GAS2: variants seen among roughly 807,000 people sequenced by gnomAD.
GAS2 encodes the protein growth arrest specific 2.
GAS2 carries 20 observed loss-of-function variants against 37.5 expected under a neutral mutation model. The observed-to-expected ratio is 0.53, with a 90% CI of 0.37 to 0.77. GAS2 has a LOEUF of 0.77. Ranked by LOEUF, GAS2 falls within the 30% of genes least tolerant of loss-of-function variation. The pLI is 0.00. For missense variants in GAS2, 336 were observed against 373.4 expected (o/e 0.90, Z 0.82); for synonymous variants, 144 against 132.2 (o/e 1.09, Z -0.61).
intron 1 of GAS2, chr11:22,626,084 G>T: frequency 1.9e-6 from 1 of 524,208 alleles, no homozygotes; most frequent in Non-Finnish European, 3.5e-6. Context: ...GCGAGATGAT[G>T]CCAGTCATGA....
chr11:22,782,034 G>C lies in GAS2; in HGVS notation c.723+26081G>C, dbSNP rs114332058. ...TTTTATTAGTTAAAATGGGGACCAA[G>C]TTATTTACTAATGAATAACATTTGC... On this transcript the variant is annotated intron_variant, in intron 7 of 7. Coordinates refer to ENST00000454584, the MANE Select transcript of GAS2 (RefSeq NM_001143830.3). Among the ~76,000 whole-genome samples the C allele has an allele frequency of 5.6e-3, 859 of 152,312 alleles. 4 individuals carry two copies. Among genetic ancestry groups the C allele is most frequent in the African/African-American group, 0.02 (820 of 41,554 alleles).
intron 2 of GAS2, among the ~76,000 whole-genome samples, chr11:22,678,947 G>A (rs1849555801): frequency 6.6e-6 from 1 of 151,838 alleles, no homozygotes; most frequent in Non-Finnish European, 1.5e-5. Context: ...AGCATCAACT[G>A]CAAACTTTTA....
At chr11:22,628,251 T>C (rs991937505) in intron 1 of GAS2, among the ~76,000 whole-genome samples, 8 of 152,326 alleles carry the variant, frequency 5.3e-5, no homozygotes, top group African/African-American at 1.9e-4. Context: ...TTGAAAATTT[T>C]AAGAATTTTG....
intron 7 of GAS2, among the ~76,000 whole-genome samples, chr11:22,773,844 C>T (rs1855115205): frequency 6.6e-6 from 1 of 152,122 alleles, no homozygotes; most frequent in Non-Finnish European, 1.5e-5. Context: ...AGGTGACAAA[C>T]ACCATTTTAA....
chr11:22,721,991 G>A (rs454492), intron 3 of GAS2, among the ~76,000 whole-genome samples: 135,767 of 151,914 alleles, frequency 0.89, 62,448 homozygotes, highest in East Asian at 1. Context: ...TCAATGGGGT[G>A]TACATCTTGT....
chr11:22,747,327 G>C (rs1853463377), intron 5 of GAS2, among the ~76,000 whole-genome samples: 1 of 152,178 alleles, frequency 6.6e-6, no homozygotes, highest in Admixed American at 6.5e-5. Context: ...CAGTCTAGCA[G>C]TTTCCACCAT....
intron 1 of GAS2, among the ~76,000 whole-genome samples, chr11:22,650,613 G>A (rs1262619890): frequency 2.7e-5 from 4 of 148,488 alleles, no homozygotes; most frequent in Middle Eastern, 3.6e-3. Flanking sequence ...TGTATTGGGT[G>A]CATATATATT....
intron 1 of GAS2, among the ~76,000 whole-genome samples, chr11:22,671,259 G>A (rs1344919456): frequency 6.6e-6 from 1 of 151,960 alleles, no homozygotes; most frequent in Non-Finnish European, 1.5e-5. Context: ...TTAGTATTAA[G>A]TTTCTGCATG....
chr11:22,713,064 C>CAAAAA (rs61240215), intron 3 of GAS2, among the ~76,000 whole-genome samples: 6 of 112,028 alleles, frequency 5.4e-5, no homozygotes, highest in East Asian at 2.4e-4. Context: ...GAGACTGTGT[C>CAAAAA]AAAAAAAAAA....
At chr11:22,740,333 A>G (rs566005056) in intron 5 of GAS2, among the ~76,000 whole-genome samples, 7 of 152,320 alleles carry the variant, frequency 4.6e-5, no homozygotes, top group African/African-American at 1.2e-4. Flanking sequence ...ACCAAAAACT[A>G]TATTATGGAT....
At chr11:22,679,241 G>A (rs1849567252) in intron 2 of GAS2, among the ~76,000 whole-genome samples, 1 of 152,058 alleles carries the variant, frequency 6.6e-6, no homozygotes, top group Non-Finnish European at 1.5e-5. Context: ...CAGCAAAACA[G>A]TCATGAAGAT....
intron 1 of GAS2, among the ~76,000 whole-genome samples, chr11:22,651,973 C>T (rs1565066814): frequency 6.6e-6 from 1 of 152,158 alleles, no homozygotes. Flanking sequence ...GAACTGTGTT[C>T]CTTTGGAGGA....
At chr11:22,671,149 G>T (rs906201777) in intron 1 of GAS2, among the ~76,000 whole-genome samples, 2 of 151,672 alleles carry the variant, frequency 1.3e-5, no homozygotes, top group Admixed American at 1.3e-4. Context: ...TTTTTCTCCT[G>T]GGCTATTTCA....
intron 1 of GAS2, among the ~76,000 whole-genome samples, chr11:22,653,720 A>T (rs1342746444): frequency 7.2e-6 from 1 of 139,564 alleles, no homozygotes; most frequent in Non-Finnish European, 1.5e-5. Context: ...CACAGTTAGG[A>T]TTGAGACAAT....
rs566779874 is a variant in GAS2 at position 22,723,175 on chromosome 11, C to T, written c.268-3117C>T. ...GCTGGCATGGGAACACTCAATTTAA[C>T]GGAAGCAAATAGCCCATAAATTACC... On this transcript the variant is annotated intron_variant, in intron 3 of 7. Transcript: ENST00000454584. Among the ~76,000 whole-genome samples the T allele has an allele frequency of 1.3e-3, 192 of 151,942 alleles. 2 individuals carry two copies. The South Asian group carries it at 0.021, about 17-fold the overall frequency.
chr11:22,784,147 A>G (rs1461382983), intron 7 of GAS2, among the ~76,000 whole-genome samples: 2 of 152,134 alleles, frequency 1.3e-5, no homozygotes, highest in African/African-American at 4.8e-5. Flanking sequence ...GTTTCATATG[A>G]ATTTCAGCTT....
At chr11:22,662,890 A>T (rs6483871), upstream of GAS2, among the ~76,000 whole-genome samples, 68,251 of 151,828 alleles carry the variant, frequency 0.45, 15,799 homozygotes, top group African/African-American at 0.57. Context: ...GCAAAAAAAA[A>T]AAAAATAAAA....
chr11:22,780,248 G>A (rs761634955), intron 7 of GAS2, among the ~76,000 whole-genome samples: 3 of 152,146 alleles, frequency 2.0e-5, no homozygotes, highest in Non-Finnish European at 4.4e-5. Flanking sequence ...TGTAATCCAA[G>A]CACTTTGGAA....
chr11:22,789,301 TATACACACAC>T lies in GAS2; in HGVS notation c.724-22495_724-22486del, dbSNP rs1214418902. Among the ~76,000 whole-genome samples the T allele has an allele frequency of 5.7e-3, 560 of 98,206 alleles. 2 individuals are homozygous for T. Among genetic ancestry groups the T allele is most frequent in the Admixed American group, 9.7e-3 (86 of 8,898 alleles). The allele number at this position is 98,206 out of a possible 152,430, so 64.4% of individuals were successfully genotyped here. ...GATTTCATATATATATATATATATA[TATACACACAC>T]ACACACACACACACACACACAAACA... is the stretch of plus-strand genomic sequence containing the variant. On this transcript the variant is annotated intron_variant, in intron 7 of 7. Coordinates refer to ENST00000454584, the MANE Select transcript of GAS2 (RefSeq NM_001143830.3).
Sources: allele counts gnomAD v4.1 joint callset (sites outside exome capture counted in the v4.1 genomes callset), GRCh38; gene constraint gnomAD v4.1.1; transcripts MANE v1.5; gene names NCBI Gene and HGNC (gene_info 2026-07-23, HGNC 2026-07-21).